KLF8: variants seen among roughly 807,000 people sequenced by gnomAD.
KLF8 encodes Krueppel-like factor 8.
KLF8 carries 10 observed loss-of-function variants against 18.2 expected under a neutral mutation model. That is an observed-to-expected ratio of 0.55 (90% CI 0.34 to 0.93). KLF8 has a LOEUF of 0.93. Ranked by LOEUF, KLF8 falls within the 40% of genes least tolerant of loss-of-function variation. The pLI is 0.02. For missense variants in KLF8, 264 were observed against 277.9 expected (o/e 0.95, Z 0.36); for synonymous variants, 109 against 97.3 (o/e 1.12, Z -0.71).
the KLF8 span, among the ~76,000 whole-genome samples, chrX:56,001,136 A>G: frequency 8.9e-6 from 1 of 112,061 alleles, no homozygotes; most frequent in Non-Finnish European, 1.9e-5. Flanking sequence ...GGCCACCGCT[A>G]TTGGGATCAT....
the KLF8 span, among the ~76,000 whole-genome samples, chrX:56,140,307 G>A: frequency 8.1e-5 from 9 of 111,529 alleles, no homozygotes; most frequent in Admixed American, 5.7e-4. Context: ...ACACACACTC[G>A]TATGTTCACT....
chrX:56,001,061 G>T, the KLF8 span, among the ~76,000 whole-genome samples: 1 of 111,963 alleles, frequency 8.9e-6, no homozygotes, highest in Non-Finnish European at 1.9e-5. Flanking sequence ...CTGATATATG[G>T]GCCTTATTGT....
At chrX:55,947,402 C>A in the KLF8 span, among the ~76,000 whole-genome samples, 2 of 106,016 alleles carry the variant, frequency 1.9e-5, no homozygotes, top group Non-Finnish European at 3.9e-5. Flanking sequence ...AAACCAAACA[C>A]CGCATATTCT....
the KLF8 span, among the ~76,000 whole-genome samples, chrX:56,056,531 C>T: frequency 9.6e-5 from 10 of 104,450 alleles, no homozygotes; most frequent in Non-Finnish European, 3.9e-5. Context: ...CCATCATTCT[C>T]AGTAAACTAT....
At chrX:55,995,800 G>T in the KLF8 span, among the ~76,000 whole-genome samples, 1 of 111,189 alleles carries the variant, frequency 9.0e-6, no homozygotes, top group Non-Finnish European at 1.9e-5. Flanking sequence ...CTCTCTAGCT[G>T]CCTTTAATAT....
At chrX:56,004,771 G>T in the KLF8 span, among the ~76,000 whole-genome samples, 2 of 111,621 alleles carry the variant, frequency 1.8e-5, no homozygotes, top group African/African-American at 3.3e-5. Flanking sequence ...AAAGCAGAGT[G>T]GAGAAGTTTG....
the KLF8 span, among the ~76,000 whole-genome samples, chrX:55,986,300 A>T: frequency 8.9e-6 from 1 of 111,979 alleles, no homozygotes; most frequent in Non-Finnish European, 1.9e-5. Flanking sequence ...TATAAATTTG[A>T]GATATGTTCT....
chrX:56,046,721 G>T, the KLF8 span, among the ~76,000 whole-genome samples: 1 of 111,319 alleles, frequency 9.0e-6, no homozygotes, highest in African/African-American at 3.3e-5. Flanking sequence ...ATCTCTTCTA[G>T]CTTGTAGGGA....
At chrX:56,083,253 G>T in the KLF8 span, among the ~76,000 whole-genome samples, 6 of 111,830 alleles carry the variant, frequency 5.4e-5, no homozygotes, top group Non-Finnish European at 1.1e-4. Context: ...ATTTTAACAA[G>T]TTATGGAAAC....
chrX:55,940,929 C>T, the KLF8 span, among the ~76,000 whole-genome samples: 3 of 111,411 alleles, frequency 2.7e-5, no homozygotes, highest in Non-Finnish European at 3.8e-5. Flanking sequence ...GAATCAATAT[C>T]GTGAAAATGG....
intron 2 of KLF8, among the ~76,000 whole-genome samples, chrX:56,251,699 G>C (rs2066715809): frequency 9.0e-6 from 1 of 110,677 alleles, no homozygotes; most frequent in Non-Finnish European, 1.9e-5. Context: ...CTGACCTCAT[G>C]ATCCGCCCAC....
chrX:56,243,216 T>C, intron 1 of KLF8: 2 of 472,874 alleles, frequency 4.2e-6, no homozygotes, highest in East Asian at 4.1e-5. Context: ...CTGGGGGCAC[T>C]CCTCCGAGGA....
the KLF8 span, among the ~76,000 whole-genome samples, chrX:56,057,825 C>T: frequency 1.3e-4 from 14 of 110,470 alleles, no homozygotes; most frequent in Admixed American, 9.7e-5. Context: ...GATGCTGCTG[C>T]ACGAAACTCT....
chrX:56,173,538 C>A, the KLF8 span, among the ~76,000 whole-genome samples: 1 of 111,851 alleles, frequency 8.9e-6, no homozygotes, highest in Non-Finnish European at 1.9e-5. Context: ...AGCGTGATGC[C>A]TCCAGCTTTG....
the KLF8 span, among the ~76,000 whole-genome samples, chrX:55,940,132 A>T: frequency 1.3e-4 from 15 of 111,847 alleles, no homozygotes; most frequent in Non-Finnish European, 2.6e-4. Flanking sequence ...TCCTCAATAA[A>T]ATCCTGGCAA....
chrX:56,216,944 C>T, the KLF8 span, among the ~76,000 whole-genome samples: 28 of 111,330 alleles, frequency 2.5e-4, no homozygotes, highest in Non-Finnish European at 4.9e-4. Flanking sequence ...TCAGGTAAGC[C>T]TTCCTTGATC....
chrX:56,104,205 TATC>T, the KLF8 span, among the ~76,000 whole-genome samples: 2 of 111,627 alleles, frequency 1.8e-5, no homozygotes, highest in African/African-American at 6.5e-5. Context: ...CAGGCTTTGG[TATC>T]AGGATGATGC....
chrX:56,057,465 G>A, the KLF8 span, among the ~76,000 whole-genome samples: 2 of 111,668 alleles, frequency 1.8e-5, no homozygotes, highest in Non-Finnish European at 1.9e-5. Flanking sequence ...TGATGTGCGG[G>A]GTTGCTGTTG....
At position 56,277,580 on chromosome X, in the gene KLF8, T is replaced by TCGGA. The variant is rs1393036935; in HGVS notation, c.899-6730_899-6727dup. 1.3e-4 allele frequency among the ~76,000 whole-genome samples: 15 copies of TCGGA among 111,997 alleles called. No individual in the cohort carries two copies. In the East Asian group the frequency reaches 2.8e-3, roughly 21 times the overall value. On this transcript the variant is annotated intron_variant, in intron 5 of 5. Coordinates refer to ENST00000468660, the MANE Select transcript of KLF8 (RefSeq NM_007250.5). Reference sequence around the variant, plus strand: ...CAAGCATCCCTGTGGCCACCACCACTCGGACGTGCTAGGTCAGGCCTTAAA... The same window carrying TCGGA: ...CAAGCATCCCTGTGGCCACCACCACTCGGACGGACGTGCTAGGTCAGGCCTTAAA...
Sources: allele counts gnomAD v4.1 joint callset (sites outside exome capture counted in the v4.1 genomes callset), GRCh38; gene constraint gnomAD v4.1.1; transcripts MANE v1.5; gene names NCBI Gene and HGNC (gene_info 2026-07-23, HGNC 2026-07-21).